LAMA5: variants seen among roughly 807,000 people sequenced by gnomAD.
LAMA5 encodes laminin subunit alpha 5.
LAMA5 carries 260 observed loss-of-function variants against 433.4 expected under a neutral mutation model. That is an observed-to-expected ratio of 0.60 (90% confidence interval 0.54 to 0.66). The LOEUF (loss-of-function observed/expected upper bound fraction) is 0.66, where lower values mean the gene tolerates loss of function less well. Among genes scored for constraint, LAMA5 ranks in the 30% least tolerant of loss-of-function variants. LAMA5 has a pLI of 0.00. For synonymous variants in LAMA5, 2,620 were observed against 2,226.6 expected (o/e 1.18, Z -4.97); for missense variants, 5,378 against 5,258.5 (o/e 1.02, Z -0.70).
At chr20:62,333,845 G>GGGTGA in intron 23 of LAMA5, 56 bp downstream of exon 23, 1 of 1,469,002 alleles carries the variant, frequency 6.8e-7, no homozygotes, top group Non-Finnish European at 9.2e-7. Flanking sequence ...GAGTGGGGTG[G>GGGTGA]GGTGGGGTGG....
rs368917854 is a variant in LAMA5, at chr20:62,318,970, C to T, written c.6915G>A (p.Ser2305=). Residue 2305 remains serine (S), a synonymous_variant, in exon 52 of 80, where the codon TCG becomes TCA. Transcript: ENST00000252999. ...QTGHLGLANA[S]APSGEQLLRT... ...GGAGCAGCTGCTCACCTGATGGAGC[C>T]GAGGCATTGGCCAGCCCCAGGTGGC... 192 of 1,594,258 alleles carry T rather than the reference C, an allele frequency of 1.2e-4. No homozygotes were observed. The highest frequency in any genetic ancestry group is 1.7e-4 in the Middle Eastern group (1 of 6,012).
chr20:62,316,686 G>A lies in LAMA5; in HGVS notation c.7741C>T (p.Gln2581Ter). ...ALEEAMLQEQ[Q>*]RLGLVWAALQ... ...CAGCACTCACCAAGGCCCAGCCTCT[G>A]CTGTTCCTGGAGCATGGCCTCTTCT... The change falls in exon 57 of 80, where the codon CAG (glutamine) becomes TAG (stop). Residue 2581 changes from glutamine (Q) to a stop codon, truncating the protein, a stop_gained. Transcript: ENST00000252999. LOFTEE classifies it high-confidence loss of function. 1 of 1,601,974 alleles carries A rather than the reference G, an allele frequency of 6.2e-7. No individual in the cohort carries two copies.
Position 62,313,086 on chromosome 20 carries a change from A to G in LAMA5, c.8955+2T>C. 6.2e-7 allele frequency: 1 copy of G among 1,609,026 alleles called. No homozygotes were observed. The highest frequency in any genetic ancestry group is 8.5e-7 in the Non-Finnish European group (1 of 1,179,212). On this transcript the variant is annotated splice_donor_variant, in intron 65 of 79. Transcript: ENST00000252999. LOFTEE classifies it high-confidence loss of function. The stretch of plus-strand genomic sequence containing the variant: ...ATGGCAGGACGGGTGTGCCTGGCGC[A>G]CCTGCTGCTTCAGGAAGAAGAGCAC...
At position 62,335,125 on chromosome 20, in the gene LAMA5, C is replaced by A; in HGVS notation, c.2378G>T (p.Gly793Val). Residue 793 changes from glycine (G) to valine (V), a missense_variant and splice_region_variant, in exon 20 of 80, where the codon GGC (glycine) becomes GTC (valine). Gly to Val is a moderately radical substitution (Grantham distance 109, BLOSUM62 -3). Coordinates refer to ENST00000252999, the MANE Select transcript of LAMA5 (RefSeq NM_005560.6). ...TLGGVAECQP[G>V]TGQCFCKPHV... ...GGGCTTGCAGAAGCACTGGCCGGTG[C>A]CCTGGGGGCCAAGGGAGGAGGTGAA... The A allele has an allele frequency of 6.2e-7, 1 of 1,612,826 alleles. No homozygotes were observed. Among genetic ancestry groups the A allele is most frequent in the Non-Finnish European group, 8.5e-7 (1 of 1,179,622 alleles).
chr20:62,321,496 G>A (rs1318157153), intron 48 of LAMA5, among the ~76,000 whole-genome samples: 1 of 36,820 alleles, frequency 2.7e-5, no homozygotes, highest in African/African-American at 1.4e-4. Flanking sequence ...TGGGGTCAGT[G>A]GAGGGGTGGG....
intron 1 of LAMA5, among the ~76,000 whole-genome samples, chr20:62,365,448 G>A (rs1292963328): frequency 3.9e-5 from 6 of 152,234 alleles, no homozygotes; most frequent in Admixed American, 6.5e-5. Context: ...CCCCCACAGA[G>A]GAGACAGATC....
Position 62,311,430 on chromosome 20 carries a change from G to A in LAMA5, c.9913C>T (p.Pro3305Ser). 1.9e-6 allele frequency: 3 copies of A among 1,590,648 alleles called. No individual in the cohort carries two copies. The highest frequency in any genetic ancestry group is 2.6e-6 in the Non-Finnish European group (3 of 1,168,592). ...ALQAQTPGLGPRGLQATARKA... is the reference protein window; with the variant it reads ...ALQAQTPGLGSRGLQATARKA... ...CGGGCGGTGGCCTGCAGTCCTCTAG[G>A]CCCCAGGCCCGGGGTCTGGGCTTGC... The change falls in exon 72 of 80, where the codon CCT becomes TCT. Residue 3305 changes from proline (P) to serine (S), a missense_variant. Physicochemically the swap from Pro to Ser is moderately conservative, Grantham distance 74. Coordinates refer to ENST00000252999, the MANE Select transcript of LAMA5 (RefSeq NM_005560.6).
At chr20:62,326,278 G>A (rs1186306865) in intron 40 of LAMA5, among the ~76,000 whole-genome samples, 10 of 151,932 alleles carry the variant, frequency 6.6e-5, no homozygotes, top group Admixed American at 6.6e-4. Context: ...TGAGAGGGGA[G>A]AAGACGGTTG....
At position 62,322,113 on chromosome 20, in the gene LAMA5, G is replaced by C. The variant is rs1978342043; in HGVS notation, c.6402C>G (p.Pro2134=). 6.2e-7 allele frequency: 1 copy of C among 1,603,190 alleles called. No individual in the cohort carries two copies. The highest frequency in any genetic ancestry group is 1.7e-5 in the Admixed American group (1 of 59,804). The change falls in exon 48 of 80, where the codon CCC becomes CCG. Residue 2134 remains proline (P), a synonymous_variant. Coordinates refer to ENST00000252999, the MANE Select transcript of LAMA5 (RefSeq NM_005560.6). ...CGCAGCGCTCCCCGCTGAGCCCCGG[G>C]GGGCAGTTGCAGCGGCCCGTGTGAG... The part of the protein sequence containing the change: ...CDPHTGRCNC[P]PGLSGERCDT...
Position 62,333,965 on chromosome 20 carries a change from C to T in LAMA5, c.2814G>A (p.Gly938=), listed in dbSNP as rs910400023. The change falls in exon 23 of 80, where the codon GGG becomes GGA. Residue 938 remains glycine (G), a synonymous_variant. Transcript: ENST00000252999. ...AGACCCGCCCGCTCACACTCATGGC[C>T]CCCCGGTTGACGTATCGGAAGACGA... The part of the protein sequence containing the change: ...FWLVFRYVNR[G]AMSVSGRVSV... The T allele has an allele frequency of 1.2e-6, 2 of 1,612,844 alleles. No homozygotes were observed. The highest frequency in any genetic ancestry group is 1.1e-5 in the South Asian group (1 of 91,066).
chr20:62,341,201 C>G (rs756606353), intron 11 of LAMA5, among the ~76,000 whole-genome samples: 2 of 152,122 alleles, frequency 1.3e-5, no homozygotes, highest in African/African-American at 2.4e-5. Flanking sequence ...AAAACCAGAA[C>G]TGCACACCAC....
chr20:62,319,622 C>T (rs745985273), intron 51 of LAMA5, 62 bp downstream of exon 51: 16 of 1,257,612 alleles, frequency 1.3e-5, no homozygotes, highest in Non-Finnish European at 1.6e-5. Context: ...CAGGCACCCC[C>T]ACCCCTACCC....
At chr20:62,345,600 T>C (rs556643385) in intron 11 of LAMA5, 24 of 664,546 alleles carry the variant, frequency 3.6e-5, no homozygotes, top group East Asian at 1.7e-4. Flanking sequence ...AGAGACAGGG[T>C]TTTACCATGT....
chr20:62,322,637 C>CCCCCCGT, intron 46 of LAMA5, 21 bp downstream of exon 46: 1 of 1,464,784 alleles, frequency 6.8e-7, no homozygotes, highest in Non-Finnish European at 9.3e-7. Context: ...CCACCCAGCC[C>CCCCCCGT]TGCTTACCCC....
Position 62,321,956 on chromosome 20 carries a change from G to A in LAMA5, c.6496+63C>T, listed in dbSNP as rs1454744339. On this transcript the variant is annotated intron_variant, in intron 48 of 79. Transcript: ENST00000252999. ...GTCGACGTTAACACTGGGGTCACCA[G>A]GCTGTGTGGGACTTGGATTCCTACT... The A allele has an allele frequency of 2.6e-6, 4 of 1,510,986 alleles. No homozygotes were observed. In the Admixed American group the frequency reaches 5.0e-5, roughly 19 times the overall value. The allele number at this position is 1,510,986 out of a possible 1,614,324, so 93.6% of individuals were successfully genotyped here. A position where few individuals can be genotyped will look rare whatever the true frequency, so the allele number is the denominator to read the frequency against.
rs748015432 is a variant in LAMA5, at chr20:62,314,634, T to C, written c.8288A>G (p.Lys2763Arg). 5.0e-6 allele frequency: 8 copies of C among 1,612,482 alleles called. No homozygotes were observed. The Admixed American group carries it at 1.2e-4, about 24-fold the overall frequency. ...LADLAAYTALKFYLQGPEPEP... is the reference protein window; with the variant it reads ...LADLAAYTALRFYLQGPEPEP... ...AGGCTCTGGGCCCTGCAGGTAGAAC[T>C]TGAGGGCAGTGTAGGCAGCAAGGTC... Residue 2763 changes from lysine (K) to arginine (R), a missense_variant, in exon 61 of 80, where the codon AAG becomes AGG. Transcript: ENST00000252999.
In LAMA5 at chr20:62,364,228, C is replaced by G. The variant is rs564311516; in HGVS notation, c.298-1676G>C. 4.9e-4 allele frequency among the ~76,000 whole-genome samples: 74 copies of G among 152,306 alleles called. No individual in the cohort carries two copies. The South Asian group carries it at 0.015, about 32-fold the overall frequency. Reference sequence around the variant, plus strand: ...CAAACTCAAGAGCTCAATGACAGCACGGCGCACACAGGTCCTGCTCAGGGT... The same window carrying G: ...CAAACTCAAGAGCTCAATGACAGCAGGGCGCACACAGGTCCTGCTCAGGGT... On this transcript the variant is annotated intron_variant, in intron 1 of 79. Coordinates refer to ENST00000252999, the MANE Select transcript of LAMA5 (RefSeq NM_005560.6).
At chr20:62,339,036 C>G (rs999078074) in intron 11 of LAMA5, among the ~76,000 whole-genome samples, 1 of 125,408 alleles carries the variant, frequency 8.0e-6, no homozygotes, top group Admixed American at 7.8e-5. Context: ...GACTCCGTCT[C>G]AAAAAAAAAA....
intron 45 of LAMA5, 43 bp downstream of exon 45, chr20:62,323,413 C>A: frequency 6.9e-7 from 1 of 1,450,426 alleles, no homozygotes; most frequent in Non-Finnish European, 9.2e-7. Context: ...CTCCTCCCCG[C>A]GCAACCCTCC....
Sources: allele counts gnomAD v4.1 joint callset (sites outside exome capture counted in the v4.1 genomes callset), GRCh38; gene constraint gnomAD v4.1.1; transcripts MANE v1.5; gene names NCBI Gene and HGNC (gene_info 2026-07-23, HGNC 2026-07-21).